Variants in DENND5B observed in about 807,000 individuals in gnomAD.
DENND5B encodes the protein DENN domain containing 5B, also known as DENN domain-containing protein 5B.
In DENND5B, 34 loss-of-function variants were observed where a neutral mutation model predicts 140.6. That is an observed-to-expected ratio of 0.24 (90% CI 0.18 to 0.32). The LOEUF (loss-of-function observed/expected upper bound fraction) is 0.32, where lower values mean the gene tolerates loss of function less well. Among genes scored for constraint, DENND5B ranks in the 10% least tolerant of loss-of-function variants. DENND5B has a pLI of 1.00. For synonymous variants in DENND5B, 551 were observed against 562.1 expected, an observed-to-expected ratio of 0.98 and a Z score of 0.28; for missense variants, 1,142 against 1,560.2, an observed-to-expected ratio of 0.73 and a Z score of 4.52.
chr12:31,425,766 A>T (rs1943202022), intron 9 of DENND5B, among the ~76,000 whole-genome samples: 1 of 152,184 alleles, frequency 6.6e-6, no homozygotes. Context: ...ACTGTCAAAT[A>T]AATAAATAAA....
intron 1 of DENND5B, chr12:31,534,918 G>C (rs1454706648): frequency 8.7e-6 from 3 of 343,642 alleles, no homozygotes; most frequent in African/African-American, 2.3e-5. Flanking sequence ...AAGAGGCTTT[G>C]GTTTGATTAA....
intron 1 of DENND5B, among the ~76,000 whole-genome samples, chr12:31,533,973 TA>T (rs1383487963): frequency 1.3e-5 from 2 of 151,960 alleles, no homozygotes; most frequent in African/African-American, 2.4e-5. Context: ...CTGGCTATGG[TA>T]ATGTAGAGAA....
chr12:31,521,686 A>C (rs958799505), intron 1 of DENND5B, among the ~76,000 whole-genome samples: 1 of 152,090 alleles, frequency 6.6e-6, no homozygotes, highest in African/African-American at 2.4e-5. Flanking sequence ...AAACCATTAA[A>C]CCAAGGAATG....
chr12:31,491,457 T>A (rs984930647), intron 2 of DENND5B, among the ~76,000 whole-genome samples: 2 of 151,936 alleles, frequency 1.3e-5, no homozygotes, highest in African/African-American at 4.8e-5. Context: ...TCAAATAAAT[T>A]AATTAATTTA....
chr12:31,429,453 G>A (rs1943411732), intron 8 of DENND5B, among the ~76,000 whole-genome samples: 1 of 152,196 alleles, frequency 6.6e-6, no homozygotes, highest in Admixed American at 6.5e-5. Flanking sequence ...CTGTCACCCA[G>A]GCTGGAGTGC....
At chr12:31,553,660 G>A (rs1259392) in intron 1 of DENND5B, among the ~76,000 whole-genome samples, 11,775 of 152,056 alleles carry the variant, frequency 0.077, 1,035 homozygotes, top group African/African-American at 0.22. Context: ...GTTGACAGTG[G>A]GGTGTTAAAG....
intron 2 of DENND5B, among the ~76,000 whole-genome samples, chr12:31,481,480 G>C (rs548101837): frequency 6.6e-6 from 1 of 152,124 alleles, no homozygotes; most frequent in African/African-American, 2.4e-5. Flanking sequence ...GTTGCTATGG[G>C]AAAAACATAT....
At chr12:31,550,751 G>A (rs568377319) in intron 1 of DENND5B, among the ~76,000 whole-genome samples, 199 of 152,186 alleles carry the variant, frequency 1.3e-3, no homozygotes, top group African/African-American at 4.3e-3. Flanking sequence ...TTTAATGATC[G>A]CCATTCCAAC....
intron 17 of DENND5B, among the ~76,000 whole-genome samples, chr12:31,395,549 C>T (rs756133710): frequency 6.6e-6 from 1 of 152,074 alleles, no homozygotes; most frequent in Non-Finnish European, 1.5e-5. Flanking sequence ...GATGAGACCG[C>T]ACCACTGCAC....
intron 11 of DENND5B, among the ~76,000 whole-genome samples, chr12:31,418,427 T>A (rs1942869181): frequency 6.6e-6 from 1 of 151,546 alleles, no homozygotes; most frequent in African/African-American, 2.4e-5. Context: ...TACAGGTGCA[T>A]GCCACCACAC....
At chr12:31,453,596 A>G (rs748190961) in intron 4 of DENND5B, among the ~76,000 whole-genome samples, 4 of 152,166 alleles carry the variant, frequency 2.6e-5, no homozygotes, top group Non-Finnish European at 5.9e-5. Flanking sequence ...GATTACATCA[A>G]TGGTTGAACA....
intron 1 of DENND5B, among the ~76,000 whole-genome samples, chr12:31,574,373 T>C (rs1228204217): frequency 1.3e-5 from 2 of 151,440 alleles, no homozygotes; most frequent in Non-Finnish European, 2.9e-5. Flanking sequence ...GTGGAGCTCT[T>C]GAAGTCTGGA....
At chr12:31,392,778 A>G (rs375510119) in intron 17 of DENND5B, 82 bp from the exon 18 acceptor site, 96 of 1,324,016 alleles carry the variant, frequency 7.3e-5, no homozygotes, top group Non-Finnish European at 9.9e-5. Context: ...GTGTCCACCT[A>G]GGCAGGAAAT....
intron 5 of DENND5B, among the ~76,000 whole-genome samples, chr12:31,447,991 T>G (rs1269405255): frequency 6.6e-6 from 1 of 152,162 alleles, no homozygotes; most frequent in Non-Finnish European, 1.5e-5. Flanking sequence ...CTTACAAAAT[T>G]TACATTCTGA....
At chr12:31,563,032 T>C (rs1001207520) in intron 1 of DENND5B, among the ~76,000 whole-genome samples, 9 of 151,980 alleles carry the variant, frequency 5.9e-5, no homozygotes, top group African/African-American at 1.7e-4. Flanking sequence ...GTGAGACAGA[T>C]GGAGAGCCTG....
chr12:31,580,278 G>A (rs77862886), intron 1 of DENND5B, among the ~76,000 whole-genome samples: 1,752 of 151,886 alleles, frequency 0.012, 23 homozygotes, highest in African/African-American at 0.04. Context: ...GCATATACCT[G>A]GTAAAAATGG....
At chr12:31,543,949 A>G (rs751140753) in intron 1 of DENND5B, among the ~76,000 whole-genome samples, 4 of 152,212 alleles carry the variant, frequency 2.6e-5, no homozygotes, top group Non-Finnish European at 5.9e-5. Flanking sequence ...AGATCACTTG[A>G]GGTCAGGAGT....
Position 31,441,569 on chromosome 12 carries a change from A to G in DENND5B, c.2012+1206T>C, listed in dbSNP as rs183888693. 1.2e-3 allele frequency among the ~76,000 whole-genome samples: 182 copies of G among 151,352 alleles called. 1 individual carries two copies. The highest frequency in any genetic ancestry group is 2.2e-4 in the Non-Finnish European group (15 of 67,734). On this transcript the variant is annotated intron_variant, in intron 7 of 20. Coordinates refer to ENST00000389082, the MANE Select transcript of DENND5B (RefSeq NM_144973.4). ...TGATCATAGGTCACTGCAACCTCCA[A>G]CTCCTGGGCTCAAGTGATCCTCCCA...
chr12:31,477,386 A>G (rs1945867779), intron 3 of DENND5B: 1 of 152,186 alleles, frequency 6.6e-6, no homozygotes, highest in Non-Finnish European at 1.5e-5. Context: ...AATTTTTCAG[A>G]TACAAAAAGG....
Sources: allele counts gnomAD v4.1 joint callset (sites outside exome capture counted in the v4.1 genomes callset), GRCh38; gene constraint gnomAD v4.1.1; transcripts MANE v1.5; gene names NCBI Gene and HGNC (gene_info 2026-07-23, HGNC 2026-07-21).